The following ASIC2 variants were observed in gnomAD, a reference collection of about 807,000 sequenced individuals.
The protein encoded by ASIC2 is acid sensing ion channel subunit 2.
A neutral mutation model predicts 57.3 loss-of-function variants in ASIC2; 25 were observed. The observed-to-expected ratio is 0.44, with a 90% CI of 0.32 to 0.61. The LOEUF is 0.61. Ranked by LOEUF, ASIC2 falls within the 20% of genes least tolerant of loss-of-function variation. The probability of loss-of-function intolerance (pLI) is 0.06; values close to 1 mark genes in which losing one functional copy is unlikely to be tolerated. For missense variants in ASIC2, 641 were observed against 738.1 expected (o/e 0.87, Z 1.52); for synonymous variants, 319 against 307.5 (o/e 1.04, Z -0.39).
intron 1 of ASIC2, among the ~76,000 whole-genome samples, chr17:33,674,907 A>G (rs997227478): frequency 6.6e-6 from 1 of 152,174 alleles, no homozygotes; most frequent in African/African-American, 2.4e-5. Context: ...AACTCATTTC[A>G]CTTTTCTGAG....
chr17:33,498,369 T>C (rs1308497410), intron 1 of ASIC2, among the ~76,000 whole-genome samples: 1 of 152,076 alleles, frequency 6.6e-6, no homozygotes, highest in Non-Finnish European at 1.5e-5. Context: ...AGTCAGGCAG[T>C]GTGGAGCGTG....
intron 1 of ASIC2, among the ~76,000 whole-genome samples, chr17:33,916,018 T>C (rs1010128539): frequency 3.3e-5 from 5 of 152,320 alleles, no homozygotes; most frequent in Admixed American, 6.5e-5. Flanking sequence ...TTCTTCCTTC[T>C]TCCAGGGAGA....
Position 33,503,867 on chromosome 17 carries a change from G to A in ASIC2, c.556-391800C>T, listed in dbSNP as rs760215431. ...CTCCACATTCCAGGATTAGGATGAG[G>A]AATGAGGAGAGACATTACACCACAC... On this transcript the variant is annotated intron_variant, in intron 1 of 9. Transcript: ENST00000359872. 1.9e-4 allele frequency among the ~76,000 whole-genome samples: 29 copies of A among 152,192 alleles called. 1 individual carries two copies. The highest frequency in any genetic ancestry group is 3.2e-4 in the Non-Finnish European group (22 of 68,038).
intron 1 of ASIC2, among the ~76,000 whole-genome samples, chr17:33,810,899 G>A (rs1912401536): frequency 8.0e-6 from 1 of 125,400 alleles, no homozygotes; most frequent in South Asian, 2.4e-4. Flanking sequence ...ACACACACGT[G>A]CATTCACACA....
intron 1 of ASIC2, among the ~76,000 whole-genome samples, chr17:33,186,126 T>G (rs573672456): frequency 6.6e-6 from 1 of 152,338 alleles, no homozygotes; most frequent in Non-Finnish European, 1.5e-5. Flanking sequence ...TTTTTTTTTC[T>G]TTGAGACAGA....
intron 1 of ASIC2, among the ~76,000 whole-genome samples, chr17:33,856,557 A>G (rs1292540155): frequency 1.1e-4 from 2 of 18,164 alleles, no homozygotes; most frequent in Non-Finnish European, 2.8e-4. Context: ...TAGCAGCATC[A>G]GTAGAAGTGG....
At chr17:33,759,499 A>G (rs1910715539) in intron 1 of ASIC2, among the ~76,000 whole-genome samples, 1 of 152,220 alleles carries the variant, frequency 6.6e-6, no homozygotes, top group African/African-American at 2.4e-5. Flanking sequence ...CTTTTGCTAA[A>G]GAGATTCATA....
Position 34,075,667 on chromosome 17 carries a change from CCT to C in ASIC2, c.555+80309_555+80310del, listed in dbSNP as rs566739495. On this transcript the variant is annotated intron_variant, in intron 1 of 9. Transcript: ENST00000359872. ...TAGCCCCCATCACCATGTGATATCC[CCT>C]GTTACTCTCTGCCTTCCTCCTCTCC... 1.2e-3 allele frequency among the ~76,000 whole-genome samples: 186 copies of C among 152,214 alleles called. 2 individuals are homozygous for C. The highest frequency in any genetic ancestry group is 3.9e-3 in the African/African-American group (161 of 41,530).
intron 1 of ASIC2, among the ~76,000 whole-genome samples, chr17:33,843,394 C>G (rs1229913794): frequency 2.6e-5 from 4 of 152,096 alleles, no homozygotes; most frequent in Non-Finnish European, 4.4e-5. Flanking sequence ...CTCATGGGAC[C>G]CCAATATTCA....
chr17:33,163,636 T>G (rs1157696997), intron 1 of ASIC2, among the ~76,000 whole-genome samples: 1 of 152,134 alleles, frequency 6.6e-6, no homozygotes, highest in Non-Finnish European at 1.5e-5. Context: ...AGATCCTGGG[T>G]ACTATTCTAG....
intron 3 of ASIC2, among the ~76,000 whole-genome samples, chr17:33,066,514 G>A (rs1292675951): frequency 6.6e-6 from 1 of 152,162 alleles, no homozygotes; most frequent in African/African-American, 2.4e-5. Flanking sequence ...CGTACATATT[G>A]AAGATTTTCG....
At chr17:33,824,397 A>C (rs1912844073) in intron 1 of ASIC2, among the ~76,000 whole-genome samples, 1 of 151,916 alleles carries the variant, frequency 6.6e-6, no homozygotes, top group Non-Finnish European at 1.5e-5. Flanking sequence ...TATGTATATA[A>C]TTTTATACTT....
intron 1 of ASIC2, among the ~76,000 whole-genome samples, chr17:33,776,650 C>G (rs139090869): frequency 6.6e-6 from 1 of 152,144 alleles, no homozygotes; most frequent in African/African-American, 2.4e-5. Context: ...GAAGCAGGGG[C>G]AAGCAAACAC....
At chr17:33,279,360 G>C (rs1326328787) in intron 1 of ASIC2, among the ~76,000 whole-genome samples, 2 of 152,152 alleles carry the variant, frequency 1.3e-5, no homozygotes, top group Non-Finnish European at 1.5e-5. Context: ...GGGCATCCAG[G>C]GGAAAGGAAG....
At chr17:33,081,893 G>A (rs2092114387) in intron 3 of ASIC2, among the ~76,000 whole-genome samples, 1 of 152,182 alleles carries the variant, frequency 6.6e-6, no homozygotes, top group African/African-American at 2.4e-5. Flanking sequence ...TCCTGCCAAA[G>A]ACCTAACTAG....
At chr17:33,463,189 C>G (rs1313837717) in intron 1 of ASIC2, among the ~76,000 whole-genome samples, 1 of 152,058 alleles carries the variant, frequency 6.6e-6, no homozygotes, top group African/African-American at 2.4e-5. Flanking sequence ...GCCATTGGTC[C>G]CAGTATTACC....
chr17:34,133,110 T>A (rs546207596), intron 1 of ASIC2, among the ~76,000 whole-genome samples: 1 of 152,354 alleles, frequency 6.6e-6, no homozygotes, highest in African/African-American at 2.4e-5. Flanking sequence ...GGGCATCAAT[T>A]ATCTGATTTA....
intron 1 of ASIC2, among the ~76,000 whole-genome samples, chr17:33,629,380 T>G (rs1275554715): frequency 6.6e-6 from 1 of 152,254 alleles, no homozygotes; most frequent in East Asian, 1.9e-4. Context: ...TGGGAAGTTT[T>G]TAATCAATTC....
chr17:33,062,151 C>T (rs2092023410), intron 3 of ASIC2, among the ~76,000 whole-genome samples: 1 of 152,124 alleles, frequency 6.6e-6, no homozygotes, highest in African/African-American at 2.4e-5. Context: ...TTTTTTGTGT[C>T]TCTATCTCCT....
Sources: gnomAD v4.1 joint callset for allele counts (sites outside exome capture counted in the v4.1 genomes callset) on GRCh38, gnomAD v4.1.1 for gene constraint, MANE v1.5 for transcripts, NCBI Gene and HGNC (gene_info 2026-07-23, HGNC 2026-07-21) for gene names.